ARHGAP15: variants seen among roughly 807,000 people sequenced by gnomAD.
ARHGAP15 encodes rho GTPase-activating protein 15.
Under a neutral mutation model 63.7 loss-of-function variants are expected in ARHGAP15, and 51 were observed. That is an observed-to-expected ratio of 0.80 (90% confidence interval 0.64 to 1.01). The LOEUF (loss-of-function observed/expected upper bound fraction) is 1.01, where lower values mean the gene tolerates loss of function less well. Ranked by LOEUF, ARHGAP15 falls within the 50% of genes least tolerant of loss-of-function variation. The pLI is 0.00. For synonymous variants in ARHGAP15, 191 were observed against 193.8 expected, an observed-to-expected ratio of 0.99 and a Z score of 0.12; for missense variants, 560 against 564.6, an observed-to-expected ratio of 0.99 and a Z score of 0.08.
intron 4 of ARHGAP15, among the ~76,000 whole-genome samples, chr2:143,218,469 A>C (rs950235580): frequency 6.6e-6 from 1 of 151,778 alleles, no homozygotes. Context: ...TAATGTATTT[A>C]ATGTGTGTTT....
chr2:143,190,857 G>A (rs888251271), intron 2 of ARHGAP15, among the ~76,000 whole-genome samples: 6 of 152,072 alleles, frequency 3.9e-5, no homozygotes, highest in African/African-American at 7.2e-5. Context: ...TGCAACCTCC[G>A]CCTCCCGGGT....
chr2:143,484,926 T>C (rs960255773), intron 8 of ARHGAP15, among the ~76,000 whole-genome samples: 2 of 152,150 alleles, frequency 1.3e-5, no homozygotes, highest in African/African-American at 4.8e-5. Flanking sequence ...CATACTTGTA[T>C]AACACACTGG....
intron 6 of ARHGAP15, among the ~76,000 whole-genome samples, chr2:143,374,498 TG>T (rs569912867): frequency 5.3e-5 from 8 of 152,020 alleles, no homozygotes; most frequent in Non-Finnish European, 1.2e-4. Context: ...GGTTGTTTTT[TG>T]GGGGGGTTTC....
At chr2:143,441,798 T>A (rs1689895568) in intron 8 of ARHGAP15, among the ~76,000 whole-genome samples, 1 of 152,170 alleles carries the variant, frequency 6.6e-6, no homozygotes, top group Non-Finnish European at 1.5e-5. Context: ...AAATGGGTTT[T>A]CCTTTAGCTG....
At chr2:143,368,107 T>TA (rs1427255517) in intron 6 of ARHGAP15, among the ~76,000 whole-genome samples, 2 of 152,076 alleles carry the variant, frequency 1.3e-5, no homozygotes, top group African/African-American at 4.8e-5. Flanking sequence ...ATGCATATAA[T>TA]AAAGGACACA....
At chr2:143,187,883 T>C (rs1400164259) in intron 2 of ARHGAP15, among the ~76,000 whole-genome samples, 4 of 152,218 alleles carry the variant, frequency 2.6e-5, no homozygotes, top group Non-Finnish European at 5.9e-5. Context: ...CTTTTTAAAA[T>C]GATACATTAC....
At chr2:143,753,954 T>A (rs539262938) in intron 13 of ARHGAP15, among the ~76,000 whole-genome samples, 56 of 152,318 alleles carry the variant, frequency 3.7e-4, no homozygotes, top group African/African-American at 1.3e-3. Flanking sequence ...CTCTCATACA[T>A]TACACCAACT....
chr2:143,695,358 G>A (rs1683795507), intron 12 of ARHGAP15, among the ~76,000 whole-genome samples: 2 of 152,100 alleles, frequency 1.3e-5, no homozygotes, highest in African/African-American at 4.8e-5. Context: ...ACTTTGAAGA[G>A]CAAGAAATTC....
rs551614666 is a variant in ARHGAP15 at position 143,565,196 on chromosome 2, A to G, written c.1003+8711A>G. Among the ~76,000 whole-genome samples, 286 of 152,294 alleles carry G rather than the reference A, an allele frequency of 1.9e-3. 1 individual carries two copies. The highest frequency in any genetic ancestry group is 2.9e-3 in the Non-Finnish European group (197 of 68,016). ...GCCTGGTAGCTGGATTCAATTTACC[A>G]TGGGGAAGGGGGCAGAGAGATGTTA... On this transcript the variant is annotated intron_variant, in intron 11 of 13. Coordinates refer to ENST00000295095, the MANE Select transcript of ARHGAP15 (RefSeq NM_018460.4).
At chr2:143,468,660 G>C (rs1691361197) in intron 8 of ARHGAP15, among the ~76,000 whole-genome samples, 1 of 131,026 alleles carries the variant, frequency 7.6e-6, no homozygotes, top group African/African-American at 3.0e-5. Flanking sequence ...GAGAGAGAGA[G>C]AGAGTGTGTG....
intron 13 of ARHGAP15, among the ~76,000 whole-genome samples, chr2:143,704,438 C>T (rs1559135639): frequency 6.6e-6 from 1 of 152,028 alleles, no homozygotes; most frequent in Non-Finnish European, 1.5e-5. Flanking sequence ...GTTGGGATAC[C>T]ATTGGGAAAG....
chr2:143,697,200 C>T (rs1177776751), intron 12 of ARHGAP15, among the ~76,000 whole-genome samples: 1 of 152,096 alleles, frequency 6.6e-6, no homozygotes, highest in Non-Finnish European at 1.5e-5. Context: ...CTACAACATA[C>T]TGTACCCTGT....
At chr2:143,667,282 A>G (rs909003106) in intron 12 of ARHGAP15, among the ~76,000 whole-genome samples, 13 of 150,234 alleles carry the variant, frequency 8.7e-5, no homozygotes, top group African/African-American at 2.9e-4. Context: ...GACATGGATG[A>G]AATTGGAAAT....
intron 12 of ARHGAP15, among the ~76,000 whole-genome samples, chr2:143,680,053 G>GAAAAAAAAAAAAAAAAA (rs1683030711): frequency 7.8e-6 from 1 of 127,972 alleles, no homozygotes; most frequent in Admixed American, 7.5e-5. Flanking sequence ...AAAAAAAAAG[G>GAAAAAAAAAAAAAAAAA]AAAAAAATGG....
intron 1 of ARHGAP15, among the ~76,000 whole-genome samples, chr2:143,138,733 A>G (rs548030009): frequency 1.3e-5 from 2 of 152,216 alleles, no homozygotes; most frequent in South Asian, 4.1e-4. Context: ...AGCACAAGTG[A>G]CTATTGAGCA....
At chr2:143,477,955 C>T (rs187179711) in intron 8 of ARHGAP15, among the ~76,000 whole-genome samples, 60 of 152,278 alleles carry the variant, frequency 3.9e-4, no homozygotes, top group East Asian at 3.9e-4. Context: ...TATTCACTTA[C>T]ACTGTTGTGG....
chr2:143,491,149 G>A (rs35789697), intron 9 of ARHGAP15, among the ~76,000 whole-genome samples: 40,134 of 152,070 alleles, frequency 0.26, 6,423 homozygotes, highest in Non-Finnish European at 0.36. Context: ...AAATATATGA[G>A]TTTATTAACA....
chr2:143,138,970 T>A (rs972950946), intron 1 of ARHGAP15, among the ~76,000 whole-genome samples: 7 of 152,126 alleles, frequency 4.6e-5, no homozygotes, highest in African/African-American at 1.7e-4. Flanking sequence ...TGTGTGTGGC[T>A]CATATTATAT....
At chr2:143,345,098 C>G (rs1343431539) in intron 6 of ARHGAP15, among the ~76,000 whole-genome samples, 5 of 152,100 alleles carry the variant, frequency 3.3e-5, no homozygotes, top group African/African-American at 1.2e-4. Flanking sequence ...TAACTTTATA[C>G]TGTTAGCATT....
Sources: gnomAD v4.1 joint callset for allele counts (sites outside exome capture counted in the v4.1 genomes callset) on GRCh38, gnomAD v4.1.1 for gene constraint, MANE v1.5 for transcripts, NCBI Gene and HGNC (gene_info 2026-07-23, HGNC 2026-07-21) for gene names.